KCTD18: variants seen among roughly 807,000 people sequenced by gnomAD.
KCTD18 encodes BTB/POZ domain-containing protein KCTD18.
Under a neutral mutation model 30.4 loss-of-function variants are expected in KCTD18, and 22 were observed. The observed-to-expected ratio is 0.72, with a 90% confidence interval of 0.52 to 1.03. The LOEUF (loss-of-function observed/expected upper bound fraction) is 1.03. Ranked by LOEUF, KCTD18 falls within the 50% of genes least tolerant of loss-of-function variation. The pLI is 0.00. For synonymous variants in KCTD18, 186 were observed against 209.0 expected (o/e 0.89, Z 0.95); for missense variants, 529 against 547.6 (o/e 0.97, Z 0.34).
chr2:200,506,408 T>C (rs2030201267), intron 2 of KCTD18, among the ~76,000 whole-genome samples: 1 of 152,188 alleles, frequency 6.6e-6, no homozygotes, highest in Non-Finnish European at 1.5e-5. Context: ...ACAGCAAGAC[T>C]ACACAGCTAG....
intron 1 of KCTD18, among the ~76,000 whole-genome samples, chr2:200,508,512 A>G (rs1273783237): frequency 6.6e-6 from 1 of 152,244 alleles, no homozygotes; most frequent in Non-Finnish European, 1.5e-5. Context: ...CCAATTATTG[A>G]GAATCTGCAG....
chr2:200,490,291 C>T lies in KCTD18; in HGVS notation c.1090G>A (p.Val364Met), dbSNP rs1224862057. Residue 364 changes from valine (V) to methionine (M), a missense_variant, in exon 7 of 7, where the codon GTG (valine) becomes ATG (methionine). Val to Met is a conservative substitution (Grantham distance 21). Transcript: ENST00000359878. ...GTAGGCTTCTTGTCGGAGAGTAGCACCTTAGCTGGAGGTAAGTGCGTGCCT... is the reference window on the plus strand; with the variant it reads ...GTAGGCTTCTTGTCGGAGAGTAGCATCTTAGCTGGAGGTAAGTGCGTGCCT... Reference protein sequence around the residue: ...NGGTHLPPAKVLLSDKKPTPQ... With the variant: ...NGGTHLPPAKMLLSDKKPTPQ... The T allele has an allele frequency of 6.2e-7, 1 of 1,614,228 alleles. No individual in the cohort carries two copies. The highest frequency in any genetic ancestry group is 8.5e-7 in the Non-Finnish European group (1 of 1,180,040).
At chr2:200,503,423 C>G (rs1009230011) in intron 3 of KCTD18, among the ~76,000 whole-genome samples, 3 of 152,200 alleles carry the variant, frequency 2.0e-5, no homozygotes, top group Non-Finnish European at 4.4e-5. Context: ...TGGTGTCCCA[C>G]GCAGCCCCTT....
At chr2:200,500,307 AG>A (rs1240307250) in intron 3 of KCTD18, among the ~76,000 whole-genome samples, 2 of 149,078 alleles carry the variant, frequency 1.3e-5, no homozygotes, top group African/African-American at 4.9e-5. Flanking sequence ...AAGGAAATAA[AG>A]GGTATTCAGT....
chr2:200,505,873 A>G (rs116382820), intron 2 of KCTD18, among the ~76,000 whole-genome samples: 3,725 of 152,166 alleles, frequency 0.024, 48 homozygotes, highest in Non-Finnish European at 0.038. Flanking sequence ...AAAAAAAAAA[A>G]AGAGAGAAAA....
chr2:200,505,728 TC>T (rs548843184), intron 2 of KCTD18, among the ~76,000 whole-genome samples: 23 of 152,236 alleles, frequency 1.5e-4, no homozygotes, highest in South Asian at 6.2e-4. Context: ...GGTTCCTCAC[TC>T]CAGGCATGCC....
chr2:200,495,388 T>C (rs2087984162), intron 5 of KCTD18, among the ~76,000 whole-genome samples: 1 of 152,234 alleles, frequency 6.6e-6, no homozygotes, highest in Non-Finnish European at 1.5e-5. Context: ...TTGTCTCTAT[T>C]ATGAAAAATG....
intron 1 of KCTD18, among the ~76,000 whole-genome samples, chr2:200,508,899 G>A (rs761286597): frequency 2.6e-5 from 4 of 152,162 alleles, no homozygotes; most frequent in Non-Finnish European, 5.9e-5. Context: ...AAGGCCTTCA[G>A]CAAACCTAAT....
chr2:200,501,847 T>C (rs574464900), intron 3 of KCTD18, among the ~76,000 whole-genome samples: 20,376 of 150,544 alleles, frequency 0.14, 1,445 homozygotes, highest in Non-Finnish European at 0.15. Context: ...CGTATGTTTA[T>C]TGCGGCATTA....
In KCTD18 at chr2:200,490,532, T is replaced by C; in HGVS notation, c.849A>G (p.Thr283=). 6.2e-7 allele frequency: 1 copy of C among 1,604,436 alleles called. No individual in the cohort carries two copies. Among genetic ancestry groups the C allele is most frequent in the Non-Finnish European group, 8.5e-7 (1 of 1,179,980 alleles). ...PKPVRFLGPS[T]STQIKVKNSA... ...AGTTCTTGACTTTAATTTGGGTACT[T>C]GTGGAAGGGCCCAAAAATCTAACTG... The change falls in exon 7 of 7, where the codon ACA becomes ACG. Residue 283 remains threonine, a synonymous_variant. Transcript: ENST00000359878.
At chr2:200,499,923 T>C (rs2088059398) in intron 3 of KCTD18, among the ~76,000 whole-genome samples, 1 of 151,226 alleles carries the variant, frequency 6.6e-6, no homozygotes, top group Admixed American at 6.6e-5. Flanking sequence ...TCAAAAAGCT[T>C]ATCCACCATG....
intron 3 of KCTD18, among the ~76,000 whole-genome samples, chr2:200,502,691 A>G (rs1347260357): frequency 6.6e-6 from 1 of 152,180 alleles, no homozygotes; most frequent in Non-Finnish European, 1.5e-5. Context: ...GTTTATAGCT[A>G]ATGCAGAAGA....
At chr2:200,506,320 C>A (rs1454079977) in intron 2 of KCTD18, among the ~76,000 whole-genome samples, 1 of 152,150 alleles carries the variant, frequency 6.6e-6, no homozygotes, top group African/African-American at 2.4e-5. Context: ...GTTCTGAAAC[C>A]CAGTTTTCAG....
At chr2:200,496,596 GC>G (rs1222139894) in intron 5 of KCTD18, 1 of 152,238 alleles carries the variant, frequency 6.6e-6, no homozygotes, top group Non-Finnish European at 1.5e-5. Flanking sequence ...CCGGGTTCAA[GC>G]CATTTTCCCA....
intron 5 of KCTD18, among the ~76,000 whole-genome samples, chr2:200,494,198 A>G (rs1208673860): frequency 6.6e-6 from 1 of 152,206 alleles, no homozygotes; most frequent in African/African-American, 2.4e-5. Context: ...GCTGGTTGCC[A>G]GGGGCTGTGG....
At chr2:200,502,246 C>G (rs1251347226) in intron 3 of KCTD18, among the ~76,000 whole-genome samples, 2 of 151,780 alleles carry the variant, frequency 1.3e-5, no homozygotes, top group East Asian at 1.9e-4. Context: ...ATGTAACTAA[C>G]CTGCACATTG....
rs769903059 is a variant in KCTD18, at chr2:200,490,626, C to T, written c.765-10G>A. On this transcript the variant is annotated splice_polypyrimidine_tract_variant and intron_variant, in intron 6 of 6. Transcript: ENST00000359878. ...GAACGTTATCAGTCGCCTAGAAATA[C>T]AGAAGCGTGTCATTTTCCACATGTA... is the stretch of plus-strand genomic sequence containing the variant. 1.9e-6 allele frequency: 3 copies of T among 1,567,294 alleles called. No individual in the cohort carries two copies. Among genetic ancestry groups the T allele is most frequent in the South Asian group, 1.2e-5 (1 of 86,924 alleles).
At chr2:200,508,790 C>T (rs1487663308) in intron 1 of KCTD18, among the ~76,000 whole-genome samples, 2 of 152,214 alleles carry the variant, frequency 1.3e-5, no homozygotes, top group African/African-American at 4.8e-5. Context: ...CTGGGAGCAG[C>T]ACTCCAAAGA....
At chr2:200,491,539 A>G (rs1241918670) in intron 6 of KCTD18, among the ~76,000 whole-genome samples, 3 of 152,224 alleles carry the variant, frequency 2.0e-5, no homozygotes, top group Admixed American at 6.5e-5. Flanking sequence ...CAATCATTCT[A>G]TAGTGAAACC....
Sources: gnomAD v4.1 joint callset for allele counts (sites outside exome capture counted in the v4.1 genomes callset) on GRCh38, gnomAD v4.1.1 for gene constraint, MANE v1.5 for transcripts, NCBI Gene and HGNC (gene_info 2026-07-23, HGNC 2026-07-21) for gene names.